The following PAN3 variants were observed in gnomAD, a reference collection of about 807,000 sequenced individuals.
PAN3 encodes the protein PAN2-PAN3 deadenylation complex subunit PAN3.
In PAN3, 19 loss-of-function variants were observed where a neutral mutation model predicts 96.2. That is an observed-to-expected ratio of 0.20 (90% confidence interval 0.14 to 0.29). PAN3 has a LOEUF of 0.29. Among genes scored for constraint, PAN3 ranks in the 10% least tolerant of loss-of-function variants. The pLI is 1.00. For missense variants in PAN3, 882 were observed against 1,108.1 expected (o/e 0.80, Z 2.90); for synonymous variants, 433 against 406.6 (o/e 1.06, Z -0.78).
At chr13:28,172,632 A>G (rs570199610) in intron 1 of PAN3, among the ~76,000 whole-genome samples, 1 of 152,308 alleles carries the variant, frequency 6.6e-6, no homozygotes, top group African/African-American at 2.4e-5. Context: ...TTTTGCTGAA[A>G]TATTTTAAAC....
At chr13:28,254,713 T>TA (rs57786941) in intron 6 of PAN3, among the ~76,000 whole-genome samples, 1 of 152,146 alleles carries the variant, frequency 6.6e-6, no homozygotes, top group African/African-American at 2.4e-5. Context: ...ATATTTTTTT[T>TA]AAGGAGTTTG....
intron 6 of PAN3, among the ~76,000 whole-genome samples, chr13:28,247,453 T>C (rs1439513118): frequency 6.6e-6 from 1 of 152,212 alleles, no homozygotes; most frequent in Non-Finnish European, 1.5e-5. Context: ...GTCCCATTTG[T>C]CTATTTTTGC....
chr13:28,153,714 C>G (rs771529712), intron 1 of PAN3, among the ~76,000 whole-genome samples: 1 of 152,094 alleles, frequency 6.6e-6, no homozygotes, highest in African/African-American at 2.4e-5. Flanking sequence ...AACATACACA[C>G]GTACAAAAGA....
chr13:28,192,519 A>G (rs1159165498), intron 4 of PAN3, among the ~76,000 whole-genome samples: 1 of 152,110 alleles, frequency 6.6e-6, no homozygotes, highest in East Asian at 1.9e-4. Context: ...CTTCCATCTC[A>G]TATTTTCCTA....
intron 5 of PAN3, among the ~76,000 whole-genome samples, chr13:28,202,710 G>T (rs950808460): frequency 8.6e-5 from 13 of 151,912 alleles, no homozygotes; most frequent in Non-Finnish European, 1.6e-4. Context: ...TATTCCTAGT[G>T]TATTTGGTGT....
intron 4 of PAN3, among the ~76,000 whole-genome samples, chr13:28,179,239 T>G (rs893402310): frequency 6.6e-6 from 1 of 152,234 alleles, no homozygotes. Flanking sequence ...AGTGTAATAA[T>G]AGAGTTGGAC....
At chr13:28,243,157 A>G (rs917823699) in intron 6 of PAN3, among the ~76,000 whole-genome samples, 4 of 152,132 alleles carry the variant, frequency 2.6e-5, no homozygotes, top group Non-Finnish European at 4.4e-5. Context: ...GTACAATGTT[A>G]TAGAGAAGTG....
At chr13:28,171,827 T>G (rs1874347603) in intron 1 of PAN3, among the ~76,000 whole-genome samples, 1 of 151,960 alleles carries the variant, frequency 6.6e-6, no homozygotes, top group Non-Finnish European at 1.5e-5. Flanking sequence ...TGGAAGATGG[T>G]TGGGTAGGGC....
chr13:28,191,329 A>G (rs577467686), intron 4 of PAN3, among the ~76,000 whole-genome samples: 5 of 152,186 alleles, frequency 3.3e-5, no homozygotes, highest in African/African-American at 1.2e-4. Flanking sequence ...CTAGTTCTCT[A>G]TTTCTGTTAT....
At chr13:28,250,729 CCT>C (rs1426031118) in intron 6 of PAN3, among the ~76,000 whole-genome samples, 1 of 152,126 alleles carries the variant, frequency 6.6e-6, no homozygotes, top group Non-Finnish European at 1.5e-5. Context: ...GCCTCTAACG[CCT>C]GGCCTCAAGC....
chr13:28,285,437 T>G (rs947051638), intron 17 of PAN3, among the ~76,000 whole-genome samples: 2 of 151,874 alleles, frequency 1.3e-5, no homozygotes, highest in African/African-American at 4.8e-5. Flanking sequence ...TTTTGGGTTT[T>G]GTTTGTTTGT....
intron 9 of PAN3, among the ~76,000 whole-genome samples, chr13:28,263,360 C>T (rs948504429): frequency 4.6e-5 from 7 of 152,212 alleles, no homozygotes; most frequent in African/African-American, 1.4e-4. Flanking sequence ...ATTGAGACAG[C>T]ATCTTGCTGT....
chr13:28,201,164 A>T (rs1878647969), intron 5 of PAN3, among the ~76,000 whole-genome samples: 1 of 151,152 alleles, frequency 6.6e-6, no homozygotes, highest in South Asian at 2.1e-4. Flanking sequence ...TCTCCCGAGT[A>T]GCTGGGACTG....
chr13:28,158,059 C>G (rs760521748), intron 1 of PAN3, among the ~76,000 whole-genome samples: 2 of 152,224 alleles, frequency 1.3e-5, no homozygotes, highest in African/African-American at 2.4e-5. Context: ...CTACAACCAT[C>G]TGATCTTCCA....
At chr13:28,283,009 A>G (rs976333272) in intron 17 of PAN3, among the ~76,000 whole-genome samples, 1 of 151,780 alleles carries the variant, frequency 6.6e-6, no homozygotes, top group African/African-American at 2.4e-5. Flanking sequence ...CATTATTGAT[A>G]CTGTGAATGC....
At chr13:28,141,694 T>G (rs1162389785) in intron 1 of PAN3, among the ~76,000 whole-genome samples, 1 of 152,132 alleles carries the variant, frequency 6.6e-6, no homozygotes, top group East Asian at 1.9e-4. Flanking sequence ...CTCAAACTCC[T>G]GATCTCAGGT....
At chr13:28,232,509 T>A (rs1882681705) in intron 6 of PAN3, 1 of 152,118 alleles carries the variant, frequency 6.6e-6, no homozygotes, top group South Asian at 2.1e-4. Context: ...GTATGCTCAC[T>A]TTGGCAGCAC....
intron 17 of PAN3, among the ~76,000 whole-genome samples, chr13:28,282,056 A>G (rs773446390): frequency 2.6e-4 from 39 of 152,278 alleles, no homozygotes; most frequent in Middle Eastern, 6.8e-3. Flanking sequence ...GATTACAGGC[A>G]TGAGCCACCA....
At chr13:28,276,611 G>A (rs944889145) in intron 14 of PAN3, among the ~76,000 whole-genome samples, 6 of 152,152 alleles carry the variant, frequency 3.9e-5, no homozygotes, top group African/African-American at 1.2e-4. Context: ...GTTAGAGTGT[G>A]AGGAAAAATA....
Sources: gnomAD v4.1 joint callset for allele counts (sites outside exome capture counted in the v4.1 genomes callset) on GRCh38, gnomAD v4.1.1 for gene constraint, MANE v1.5 for transcripts, NCBI Gene and HGNC (gene_info 2026-07-23, HGNC 2026-07-21) for gene names.